Variants in ZNF69 observed in about 807,000 individuals in gnomAD.
The protein encoded by ZNF69 is zinc finger protein 69, also known as ZNF3.
A neutral mutation model predicts 50.9 loss-of-function variants in ZNF69; 47 were observed. The ratio of observed to expected loss-of-function variants is 0.92; its 90% CI spans 0.73 to 1.18. ZNF69 has a LOEUF of 1.18. ZNF69 is among the 50% of genes most tolerant of loss of function. The pLI, the probability that ZNF69 is intolerant of heterozygous loss-of-function variation, is 0.00. For missense variants in ZNF69, 717 were observed against 675.1 expected, an observed-to-expected ratio of 1.06 and a Z score of -0.69; for synonymous variants, 216 against 223.1, an observed-to-expected ratio of 0.97 and a Z score of 0.29.
At chr19:11,894,089 T>C (rs921786171) in intron 1 of ZNF69, among the ~76,000 whole-genome samples, 2 of 152,230 alleles carry the variant, frequency 1.3e-5, no homozygotes, top group Non-Finnish European at 2.9e-5. Flanking sequence ...TTTCCTCTCA[T>C]GTGAAATGTT....
chr19:11,977,110 A>T, the ZNF69 span: 1 of 1,614,076 alleles, frequency 6.2e-7, no homozygotes, highest in African/African-American at 1.3e-5. Context: ...TATTTCGCAG[A>T]GGAAACTCTA....
At chr19:11,943,295 G>T in the ZNF69 span, among the ~76,000 whole-genome samples, 4 of 152,048 alleles carry the variant, frequency 2.6e-5, no homozygotes, top group African/African-American at 9.7e-5. Context: ...CAATTGGTTA[G>T]GTTAAATTTT....
At position 11,904,668 on chromosome 19, in the gene ZNF69, G is replaced by C. The variant is rs1265527120; in HGVS notation, c.271G>C (p.Val91Leu). 1.9e-6 allele frequency: 3 copies of C among 1,612,526 alleles called. No individual in the cohort carries two copies. Among genetic ancestry groups the C allele is most frequent in the African/African-American group, 1.3e-5 (1 of 74,698 alleles). Residue 91 changes from valine to leucine, a missense_variant, in exon 4 of 4, where the codon GTC becomes CTC. By Grantham distance (32) the Val-to-Leu change is conservative (BLOSUM62 1). Transcript: ENST00000429654. ...TGACAGGAGTCTCATAGAAAAGAAA[G>C]TCAATGAAATTAAAGATGACAGTCA... ...RNFRSLIEKKVNEIKDDSHCG... is the reference protein window; with the variant it reads ...RNFRSLIEKKLNEIKDDSHCG...
the ZNF69 span, among the ~76,000 whole-genome samples, chr19:11,954,867 T>C: frequency 6.6e-5 from 10 of 151,828 alleles, no homozygotes; most frequent in African/African-American, 2.2e-4. Context: ...CAGCTTCAGA[T>C]TTTTTTTAAT....
chr19:11,889,346 G>A (rs1702519681), intron 1 of ZNF69, among the ~76,000 whole-genome samples: 1 of 152,212 alleles, frequency 6.6e-6, no homozygotes, highest in African/African-American at 2.4e-5. Context: ...CCTAAAGGGA[G>A]AGGGTATAAG....
At chr19:11,911,707 T>G (rs574924653) in intron 4 of ZNF69, among the ~76,000 whole-genome samples, 1 of 152,140 alleles carries the variant, frequency 6.6e-6, no homozygotes, top group African/African-American at 2.4e-5. Flanking sequence ...CACTGGGAGA[T>G]ATACCTAATA....
the ZNF69 span, among the ~76,000 whole-genome samples, chr19:11,939,116 C>G: frequency 6.6e-6 from 1 of 152,116 alleles, no homozygotes; most frequent in African/African-American, 2.4e-5. Flanking sequence ...TTTGTAGATT[C>G]TGGATATTAG....
chr19:11,925,611 T>A, the ZNF69 span, among the ~76,000 whole-genome samples: 1 of 152,036 alleles, frequency 6.6e-6, no homozygotes, highest in Non-Finnish European at 1.5e-5. Flanking sequence ...GGGTGTGGGG[T>A]TCGTGCGTGG....
At chr19:11,967,152 T>C in the ZNF69 span, among the ~76,000 whole-genome samples, 1 of 152,090 alleles carries the variant, frequency 6.6e-6, no homozygotes, top group Non-Finnish European at 1.5e-5. Flanking sequence ...CTGGGCAACA[T>C]AGCGAAACCT....
the ZNF69 span, among the ~76,000 whole-genome samples, chr19:11,938,103 CTG>C: frequency 1.5e-4 from 23 of 152,138 alleles, no homozygotes; most frequent in Admixed American, 2.0e-4. Context: ...GAGTCTCACT[CTG>C]TCATCCAGGC....
Position 11,905,716 on chromosome 19 carries a change from G to T in ZNF69, c.1319G>T (p.Gly440Val), listed in dbSNP as rs1972357769. Residue 440 changes from glycine to valine, a missense_variant, in exon 4 of 4, where the codon GGA becomes GTA. Transcript: ENST00000429654. ...CAATTGCATGGTAGGACTCACACTG[G>T]AGAGAAGCCCTATGAATGTCAGGAA... ...HLQLHGRTHT[G>V]EKPYECQECG... is the part of the protein sequence containing the mutation. 1.9e-6 allele frequency: 3 copies of T among 1,611,314 alleles called. No homozygotes were observed. In the East Asian group the frequency reaches 6.7e-5, roughly 36 times the overall value.
At chr19:11,924,098 C>T in the ZNF69 span, among the ~76,000 whole-genome samples, 1 of 152,124 alleles carries the variant, frequency 6.6e-6, no homozygotes, top group South Asian at 2.1e-4. Context: ...TGGGGTTTGA[C>T]ATGCATGGGG....
chr19:11,941,190 T>C, the ZNF69 span, among the ~76,000 whole-genome samples: 9 of 152,010 alleles, frequency 5.9e-5, no homozygotes, highest in Non-Finnish European at 8.8e-5. Flanking sequence ...AGACATAAAG[T>C]TTCTCCACGT....
chr19:11,948,409 T>C, the ZNF69 span: 1 of 1,614,110 alleles, frequency 6.2e-7, no homozygotes, highest in Non-Finnish European at 8.5e-7. Context: ...ATGTGACAGC[T>C]TTGTGTGTGC....
chr19:11,904,214 G>A (rs558814488), intron 3 of ZNF69, among the ~76,000 whole-genome samples: 6 of 152,208 alleles, frequency 3.9e-5, no homozygotes, highest in Admixed American at 3.3e-4. Context: ...GCAACATAAC[G>A]AGACCACATA....
chr19:11,903,730 A>G (rs774214635), intron 2 of ZNF69, 31 bp downstream of exon 2: 24 of 1,611,826 alleles, frequency 1.5e-5, no homozygotes, highest in African/African-American at 5.4e-5. Flanking sequence ...CCCTCAGTCC[A>G]TTAGTGAACC....
At chr19:11,925,138 G>A in the ZNF69 span, 7 of 1,574,342 alleles carry the variant, frequency 4.4e-6, no homozygotes, top group African/African-American at 1.4e-5. Flanking sequence ...GGCGGCGGTT[G>A]GTAACCGGTC....
the ZNF69 span, chr19:11,978,664 A>G: frequency 1.9e-6 from 3 of 1,614,026 alleles, no homozygotes; most frequent in Non-Finnish European, 2.5e-6. Context: ...CGAATACATG[A>G]AAGAACTCAC....
chr19:11,927,707 T>C, the ZNF69 span, among the ~76,000 whole-genome samples: 4 of 152,306 alleles, frequency 2.6e-5, no homozygotes, highest in South Asian at 8.3e-4. Flanking sequence ...ACTATAATTA[T>C]CTTGAAAGCA....
Sources: gnomAD v4.1 joint callset for allele counts (sites outside exome capture counted in the v4.1 genomes callset) on GRCh38, gnomAD v4.1.1 for gene constraint, MANE v1.5 for transcripts, NCBI Gene and HGNC (gene_info 2026-07-23, HGNC 2026-07-21) for gene names.